SOX5: variants seen among roughly 807,000 people sequenced by gnomAD.
SOX5 encodes transcription factor SOX-5.
Under a neutral mutation model 92.0 loss-of-function variants are expected in SOX5, and 9 were observed. The observed-to-expected ratio is 0.10, with a 90% CI of 0.06 to 0.17. SOX5 has a LOEUF of 0.17. Ranked by LOEUF, SOX5 falls within the 10% of genes least tolerant of loss-of-function variation. The pLI is 1.00. For missense variants in SOX5, 642 were observed against 944.5 expected (o/e 0.68, Z 4.20); for synonymous variants, 344 against 336.3 (o/e 1.02, Z -0.25).
intron 3 of SOX5, among the ~76,000 whole-genome samples, chr12:24,236,903 A>C (rs1453868442): frequency 1.4e-5 from 2 of 143,006 alleles, no homozygotes; most frequent in African/African-American, 2.5e-5. Context: ...GTCAGTATCC[A>C]CAACTCAAAA....
At position 24,393,794 on chromosome 12, in the gene SOX5, T is replaced by C. The variant is rs1959195196; in HGVS notation, c.-250-25155A>G. Among the ~76,000 whole-genome samples, 1 of 152,172 alleles carries C rather than the reference T, an allele frequency of 6.6e-6. No homozygotes were observed. The highest frequency in any genetic ancestry group is 1.5e-5 in the Non-Finnish European group (1 of 68,026). The stretch of plus-strand genomic sequence containing the variant: ...TCCCATCTTCAAAGAAGTGGGGAAA[T>C]TTAAGACTACATATTACATATGCAA... On this transcript the variant is annotated intron_variant, in intron 1 of 4. Coordinates refer to the SOX5 transcript ENST00000446891. The surrounding 1 kb of genome is among the most constrained non-coding windows in gnomAD (Gnocchi z 5.0).
Position 24,506,782 on chromosome 12 carries a change from G to GTTTTTTTT in SOX5, c.-251+55546_-251+55547insAAAAAAAA, listed in dbSNP as rs1386116375. On this transcript the variant is annotated intron_variant, in intron 1 of 4. Coordinates refer to the SOX5 transcript ENST00000446891. ...ACCTGTATTTCATGGTATCCAAATG[G>GTTTTTTTT]TCTTTTTTTTTTTTTTTTTTTTTTG... Among the ~76,000 whole-genome samples, 390 of 80,090 alleles carry GTTTTTTTT rather than the reference G, an allele frequency of 4.9e-3. 10 individuals are homozygous for GTTTTTTTT. The highest frequency in any genetic ancestry group is 6.7e-3 in the Non-Finnish European group (282 of 42,038). 52.5% of individuals were successfully genotyped at this position (80,090 alleles called of 152,430 possible). A position where few individuals can be genotyped will look rare whatever the true frequency, so the allele number is the denominator to read the frequency against.
intron 8 of SOX5, among the ~76,000 whole-genome samples, chr12:23,633,397 A>AT (rs1343021708): frequency 6.6e-6 from 1 of 152,124 alleles, no homozygotes; most frequent in South Asian, 2.1e-4. Context: ...CACATAGCTG[A>AT]TTTTATCTTG....
chr12:23,611,366 G>C (rs957052208), intron 8 of SOX5, among the ~76,000 whole-genome samples: 1 of 127,670 alleles, frequency 7.8e-6, no homozygotes. Context: ...GTGTGTGTGT[G>C]TGCGTGTGTG....
At chr12:23,908,653 C>T (rs188669746) in intron 1 of SOX5, among the ~76,000 whole-genome samples, 138 of 151,742 alleles carry the variant, frequency 9.1e-4, no homozygotes, top group African/African-American at 3.1e-3. Flanking sequence ...ATAAATTTTC[C>T]GAACTTCTCA....
intron 4 of SOX5, among the ~76,000 whole-genome samples, chr12:24,183,298 G>T (rs1955693976): frequency 6.6e-6 from 1 of 152,022 alleles, no homozygotes; most frequent in East Asian, 1.9e-4. Context: ...CTCTGATGTT[G>T]CCACAATTTT....
At chr12:24,552,363 C>A (rs1463163651) in intron 1 of SOX5, among the ~76,000 whole-genome samples, 1 of 152,158 alleles carries the variant, frequency 6.6e-6, no homozygotes, top group African/African-American at 2.4e-5. Context: ...CACTGGTTCT[C>A]AAACTTTTAT....
chr12:24,194,405 A>ATAGG (rs771951950), intron 4 of SOX5, among the ~76,000 whole-genome samples: 89 of 148,242 alleles, frequency 6.0e-4, no homozygotes, highest in African/African-American at 1.2e-3. Flanking sequence ...ATCTATCTAG[A>ATAGG]TAGGTAGGTA....
chr12:23,741,368 AAATTTTAAAAATAATGTTGGCTGAAC>A (rs1390712096), intron 4 of SOX5, among the ~76,000 whole-genome samples: 5 of 152,142 alleles, frequency 3.3e-5, no homozygotes, highest in African/African-American at 1.2e-4. Context: ...CTTTATAAGT[AAATTTTAAAAATAATGTTGGCTGAAC>A]ATCTACTGTT....
At position 24,499,731 on chromosome 12, in the gene SOX5, C is replaced by T. The variant is rs1160861324; in HGVS notation, c.-251+62598G>A. Among the ~76,000 whole-genome samples, 6 of 147,988 alleles carry T rather than the reference C, an allele frequency of 4.1e-5. No individual in the cohort carries two copies. The East Asian group carries it at 1.2e-3, about 30-fold the overall frequency. On this transcript the variant is annotated intron_variant, in intron 1 of 4. Transcript: ENST00000446891. ...ATGCTAATAACACTTTAAAGTCACT[C>T]TGATAAAACACTAAAAATCTGCCTT...
chr12:24,245,267 G>GTGTA (rs1555193882), intron 3 of SOX5, among the ~76,000 whole-genome samples: 5 of 151,550 alleles, frequency 3.3e-5, no homozygotes, highest in Non-Finnish European at 7.4e-5. Context: ...GTGTGTGTGT[G>GTGTA]TGTGTGTGCC....
intron 6 of SOX5, among the ~76,000 whole-genome samples, chr12:23,728,817 C>G (rs2093272682): frequency 6.6e-6 from 1 of 152,094 alleles, no homozygotes; most frequent in Non-Finnish European, 1.5e-5. Context: ...TGAGCCAAAA[C>G]TCGGGTAACT....
intron 11 of SOX5, among the ~76,000 whole-genome samples, chr12:23,555,235 C>T (rs1944949217): frequency 6.6e-6 from 1 of 152,074 alleles, no homozygotes; most frequent in African/African-American, 2.4e-5. Flanking sequence ...TGTTTTCAAA[C>T]TTATCTTTTC....
intron 1 of SOX5, among the ~76,000 whole-genome samples, chr12:23,916,362 G>A (rs1350122053): frequency 6.6e-6 from 1 of 152,128 alleles, no homozygotes; most frequent in Non-Finnish European, 1.5e-5. Context: ...AATAGAAAAT[G>A]TGCAGTTCCA....
chr12:24,085,965 A>G (rs1943943456), intron 4 of SOX5, among the ~76,000 whole-genome samples: 1 of 152,042 alleles, frequency 6.6e-6, no homozygotes, highest in Non-Finnish European at 1.5e-5. Flanking sequence ...CTAAAAAAAA[A>G]AAAAAAGTAT....
At chr12:24,082,370 A>G (rs1274225400) in intron 4 of SOX5, among the ~76,000 whole-genome samples, 1 of 136,200 alleles carries the variant, frequency 7.3e-6, no homozygotes, top group Non-Finnish European at 1.5e-5. Flanking sequence ...CAATTGCTGT[A>G]AATTTCTCTC....
intron 2 of SOX5, among the ~76,000 whole-genome samples, chr12:23,875,314 CTG>C (rs2096916308): frequency 6.6e-6 from 1 of 152,040 alleles, no homozygotes; most frequent in South Asian, 2.1e-4. Flanking sequence ...AAAGAGAAAA[CTG>C]TTTGTTTGTA....
intron 14 of SOX5, 139 bp from the exon 15 acceptor site, chr12:23,534,661 T>A: frequency 3.2e-6 from 2 of 629,958 alleles, no homozygotes; most frequent in Admixed American, 3.0e-5. Flanking sequence ...TTTTTCAAAC[T>A]CCATCCTACT....
intron 2 of SOX5, among the ~76,000 whole-genome samples, chr12:24,361,586 A>C (rs1229361423): frequency 6.6e-6 from 1 of 151,526 alleles, no homozygotes; most frequent in Non-Finnish European, 1.5e-5. Context: ...ACAGTGAACC[A>C]ACAGTGATGA....
Sources: gnomAD v4.1 joint callset for allele counts (sites outside exome capture counted in the v4.1 genomes callset) on GRCh38, gnomAD v4.1.1 for gene constraint, Gnocchi (gnomAD v3.1) non-coding constraint, MANE v1.5 for transcripts, NCBI Gene and HGNC (gene_info 2026-07-23, HGNC 2026-07-21) for gene names.